Variants in LRRC49 observed in about 807,000 individuals in gnomAD.
LRRC49 encodes the protein leucine rich repeat containing 49, also known as leucine-rich repeat-containing protein 49.
In LRRC49, 50 loss-of-function variants were observed where a neutral mutation model predicts 83.3. The observed-to-expected ratio is 0.60, with a 90% CI of 0.48 to 0.76. LRRC49 has a LOEUF of 0.76. Among genes scored for constraint, LRRC49 ranks in the 30% least tolerant of loss-of-function variants. LRRC49 has a pLI of 0.00. For synonymous variants in LRRC49, 286 were observed against 283.3 expected (o/e 1.01, Z -0.10); for missense variants, 704 against 809.1 (o/e 0.87, Z 1.58).
At position 71,004,438 on chromosome 15, in the gene LRRC49, T is replaced by C. The variant is rs544700852; in HGVS notation, c.1170-3941T>C. Reference sequence around the variant, plus strand: ...GCCGAGGCAGGCAGATCACTTGAGGTCAGGAGTTCGAGACCAGCCTGGCCA... The same window carrying C: ...GCCGAGGCAGGCAGATCACTTGAGGCCAGGAGTTCGAGACCAGCCTGGCCA... On this transcript the variant is annotated intron_variant, in intron 11 of 15. Coordinates refer to ENST00000260382, the MANE Select transcript of LRRC49 (RefSeq NM_017691.5). 3.3e-5 allele frequency among the ~76,000 whole-genome samples: 5 copies of C among 152,180 alleles called. No individual in the cohort carries two copies. In the East Asian group the frequency reaches 7.7e-4, roughly 24 times the overall value.
At chr15:70,906,196 A>C (rs1182617854) in intron 5 of LRRC49, among the ~76,000 whole-genome samples, 1 of 149,958 alleles carries the variant, frequency 6.7e-6, no homozygotes, top group African/African-American at 2.5e-5. Flanking sequence ...TCCCGGGTTC[A>C]AGTGATTGTC....
At chr15:71,006,792 C>T (rs921447001) in intron 11 of LRRC49, among the ~76,000 whole-genome samples, 2 of 152,194 alleles carry the variant, frequency 1.3e-5, no homozygotes, top group South Asian at 2.1e-4. Context: ...GCAGTATGCA[C>T]TCTTTTCATC....
At position 71,046,283 on chromosome 15, in the gene LRRC49, C is replaced by T. The variant is rs2039853118; in HGVS notation, c.1858-3126C>T. ...TTTAAGAAATTGCCAGACTGCTTTCCACAGTGGCTGGACTAATTTAATTAT... is the reference window on the plus strand; with the variant it reads ...TTTAAGAAATTGCCAGACTGCTTTCTACAGTGGCTGGACTAATTTAATTAT... On this transcript the variant is annotated intron_variant, in intron 15 of 15. Coordinates refer to ENST00000260382, the MANE Select transcript of LRRC49 (RefSeq NM_017691.5). Among the ~76,000 whole-genome samples, 3 of 152,168 alleles carry T rather than the reference C, an allele frequency of 2.0e-5. No homozygotes were observed. The South Asian group carries it at 6.2e-4, about 32-fold the overall frequency.
At chr15:70,947,519 C>T (rs1198067155) in intron 8 of LRRC49, among the ~76,000 whole-genome samples, 1 of 152,092 alleles carries the variant, frequency 6.6e-6, no homozygotes, top group Non-Finnish European at 1.5e-5. Flanking sequence ...TTTGGAAAAG[C>T]CAACAGCTTG....
At chr15:71,040,113 T>C (rs941573927) in intron 15 of LRRC49, among the ~76,000 whole-genome samples, 1 of 152,244 alleles carries the variant, frequency 6.6e-6, no homozygotes, top group African/African-American at 2.4e-5. Flanking sequence ...GAAGATTCAA[T>C]ATTAGTGAAT....
chr15:70,878,201 A>G (rs557412563), intron 2 of LRRC49, among the ~76,000 whole-genome samples: 2 of 152,336 alleles, frequency 1.3e-5, no homozygotes, highest in African/African-American at 4.8e-5. Context: ...CATATTGTAA[A>G]TGAAACCAGT....
intron 8 of LRRC49, among the ~76,000 whole-genome samples, chr15:70,951,495 C>A (rs1011254843): frequency 1.3e-5 from 2 of 151,860 alleles, no homozygotes; most frequent in African/African-American, 4.8e-5. Context: ...TAAGCTGTAT[C>A]CTTAGGTATT....
At chr15:70,909,655 A>G (rs1188615987) in intron 5 of LRRC49, among the ~76,000 whole-genome samples, 1 of 152,154 alleles carries the variant, frequency 6.6e-6, no homozygotes, top group African/African-American at 2.4e-5. Context: ...CCTGCCCAAC[A>G]TGGTGAAACC....
At chr15:70,945,563 G>A (rs2035977570) in intron 8 of LRRC49, among the ~76,000 whole-genome samples, 5 of 149,264 alleles carry the variant, frequency 3.3e-5, no homozygotes, top group Admixed American at 3.3e-4. Context: ...GTGTGTGTGT[G>A]TGTATCTGTC....
At chr15:70,876,492 A>C (rs1259480748) in intron 2 of LRRC49, among the ~76,000 whole-genome samples, 1 of 152,150 alleles carries the variant, frequency 6.6e-6, no homozygotes, top group Non-Finnish European at 1.5e-5. Flanking sequence ...GTGACATTTC[A>C]TCCAGTCTTC....
At chr15:70,951,628 A>G (rs1049714474) in intron 8 of LRRC49, among the ~76,000 whole-genome samples, 2 of 151,950 alleles carry the variant, frequency 1.3e-5, no homozygotes, top group Non-Finnish European at 2.9e-5. Context: ...AAACTTTACT[A>G]AGGTTGTTTA....
chr15:70,902,484 A>C (rs1216722129), intron 4 of LRRC49: 1 of 152,232 alleles, frequency 6.6e-6, no homozygotes, highest in East Asian at 1.9e-4. Flanking sequence ...AATCACAAAG[A>C]TATCATAAAG....
chr15:70,919,365 A>G (rs1263471059), intron 7 of LRRC49, among the ~76,000 whole-genome samples, 172 bp downstream of exon 7: 2 of 152,218 alleles, frequency 1.3e-5, no homozygotes, highest in African/African-American at 4.8e-5. Flanking sequence ...TTTGGGAGGT[A>G]TTGAGGTATT....
intron 11 of LRRC49, among the ~76,000 whole-genome samples, chr15:70,986,943 AT>A: frequency 6.6e-6 from 1 of 152,052 alleles, no homozygotes; most frequent in Non-Finnish European, 1.5e-5. Context: ...ACATTTATTG[AT>A]TTGCGTATAT....
At chr15:70,913,999 TTG>T (rs2034656775) in intron 6 of LRRC49, among the ~76,000 whole-genome samples, 1 of 152,064 alleles carries the variant, frequency 6.6e-6, no homozygotes, top group South Asian at 2.1e-4. Context: ...GTTTGTGATA[TTG>T]TGTGTGTTAA....
intron 9 of LRRC49, among the ~76,000 whole-genome samples, chr15:70,966,293 G>A (rs1596076091): frequency 6.6e-6 from 1 of 152,084 alleles, no homozygotes; most frequent in East Asian, 1.9e-4. Flanking sequence ...CTCATAGGGA[G>A]TGATTTTTAA....
intron 2 of LRRC49, chr15:70,882,579 A>C (rs1443613179): frequency 6.2e-7 from 1 of 1,613,822 alleles, no homozygotes; most frequent in Non-Finnish European, 8.5e-7. Context: ...GAAGTTCTAG[A>C]CCACAATTCC....
chr15:70,966,361 C>T (rs1053761106), intron 9 of LRRC49, among the ~76,000 whole-genome samples: 13 of 152,044 alleles, frequency 8.6e-5, no homozygotes, highest in Admixed American at 4.6e-4. Context: ...AAATTAGTAG[C>T]TCAAATAGTT....
intron 1 of LRRC49, among the ~76,000 whole-genome samples, chr15:70,866,916 C>T (rs934915784): frequency 1.3e-5 from 2 of 151,806 alleles, no homozygotes; most frequent in African/African-American, 4.8e-5. Flanking sequence ...AATTATGAAC[C>T]TGGCCTGAAC....
Sources: gnomAD v4.1 joint callset for allele counts (sites outside exome capture counted in the v4.1 genomes callset) on GRCh38, gnomAD v4.1.1 for gene constraint, MANE v1.5 for transcripts, NCBI Gene and HGNC (gene_info 2026-07-23, HGNC 2026-07-21) for gene names.